Variants in ZNF438 observed in about 807,000 individuals in gnomAD.
The protein encoded by ZNF438 is zinc finger protein 438.
Under a neutral mutation model 38.0 loss-of-function variants are expected in ZNF438, and 25 were observed. That is an observed-to-expected ratio of 0.66 (90% CI 0.48 to 0.92). The LOEUF (loss-of-function observed/expected upper bound fraction) is 0.92. Ranked by LOEUF, ZNF438 falls within the 40% of genes least tolerant of loss-of-function variation. The pLI is 0.00. For synonymous variants in ZNF438, 372 were observed against 364.1 expected, an observed-to-expected ratio of 1.02 and a Z score of -0.25; for missense variants, 1,007 against 999.6, an observed-to-expected ratio of 1.01 and a Z score of -0.10.
intron 2 of ZNF438, among the ~76,000 whole-genome samples, chr10:30,928,834 G>A (rs1475614718): frequency 6.6e-6 from 1 of 152,098 alleles, no homozygotes; most frequent in African/African-American, 2.4e-5. Flanking sequence ...GTGAAGACCT[G>A]GGAGTTCAGC....
intron 1 of ZNF438, among the ~76,000 whole-genome samples, chr10:30,946,079 T>C (rs1225301246): frequency 8.0e-5 from 12 of 150,058 alleles, no homozygotes; most frequent in Admixed American, 7.3e-4. Context: ...TTCCTGACTT[T>C]TTAATGATTG....
At chr10:30,857,807 C>A in intron 4 of ZNF438, 2 of 1,352,706 alleles carry the variant, frequency 1.5e-6, no homozygotes, top group Non-Finnish European at 1.9e-6. Context: ...ATGTTAAAGG[C>A]AGTGGAGGAA....
intron 1 of ZNF438, among the ~76,000 whole-genome samples, chr10:30,964,032 A>G (rs1057368430): frequency 6.6e-6 from 1 of 152,152 alleles, no homozygotes; most frequent in African/African-American, 2.4e-5. Flanking sequence ...AGTGATCCTT[A>G]TAGTAGCTGA....
Position 30,849,889 on chromosome 10 carries a change from TTTG to T in ZNF438, c.513_515del (p.Tyr171_Lys172delinsTer), listed in dbSNP as rs2033225119. 2 of 1,614,034 alleles carry T rather than the reference TTTG, an allele frequency of 1.2e-6. No individual in the cohort carries two copies. The highest frequency in any genetic ancestry group is 2.7e-5 in the African/African-American group (2 of 75,002). On this transcript the variant is annotated stop_gained and inframe_deletion, in exon 5 of 6. Transcript: ENST00000413025. LOFTEE classifies it high-confidence loss of function. ...ATGGTACTTCCTCAAATGGACTGGG[TTTG>T]TACAGGAGTTCAGGGTGGTGAGGTG...
intron 3 of ZNF438, among the ~76,000 whole-genome samples, chr10:30,900,588 G>A (rs2134239612): frequency 6.6e-6 from 1 of 152,194 alleles, no homozygotes; most frequent in Admixed American, 6.5e-5. Flanking sequence ...CACAGCCTTG[G>A]GATGGATATT....
At chr10:30,913,346 A>C (rs2043269388) in intron 2 of ZNF438, among the ~76,000 whole-genome samples, 1 of 151,938 alleles carries the variant, frequency 6.6e-6, no homozygotes, top group Non-Finnish European at 1.5e-5. Context: ...ACTTGGCTTG[A>C]TTCCAATTCT....
intron 1 of ZNF438, among the ~76,000 whole-genome samples, chr10:31,006,926 A>G (rs1270585221): frequency 1.3e-5 from 2 of 152,188 alleles, no homozygotes; most frequent in Non-Finnish European, 2.9e-5. Context: ...TAAGGCTGGT[A>G]ATCAGTGGGC....
intron 3 of ZNF438, among the ~76,000 whole-genome samples, chr10:30,907,325 T>C (rs965753900): frequency 6.6e-6 from 1 of 152,192 alleles, no homozygotes; most frequent in South Asian, 2.1e-4. Context: ...TATAGTTTTC[T>C]TGTGTTGTTG....
intron 2 of ZNF438, among the ~76,000 whole-genome samples, chr10:30,909,385 C>T (rs1428756226): frequency 6.6e-6 from 1 of 152,090 alleles, no homozygotes; most frequent in Non-Finnish European, 1.5e-5. Context: ...TTTACTTGGA[C>T]AATAGGAAAA....
intron 1 of ZNF438, among the ~76,000 whole-genome samples, chr10:31,012,129 C>CTT (rs1173483449): frequency 1.5e-5 from 2 of 130,712 alleles, no homozygotes; most frequent in African/African-American, 2.8e-5. Flanking sequence ...TTTTTTTTTT[C>CTT]TTTTTTTTTT....
intron 1 of ZNF438, among the ~76,000 whole-genome samples, chr10:31,025,600 C>T (rs915762529): frequency 6.6e-6 from 1 of 152,064 alleles, no homozygotes; most frequent in Non-Finnish European, 1.5e-5. Flanking sequence ...ATAATAGCTA[C>T]GTAGTTATGG....
At chr10:30,859,582 T>A (rs922552507) in intron 4 of ZNF438, among the ~76,000 whole-genome samples, 6 of 152,222 alleles carry the variant, frequency 3.9e-5, no homozygotes, top group Non-Finnish European at 7.3e-5. Flanking sequence ...GGCTCTGTCA[T>A]GTACCTGTGG....
At chr10:30,896,532 T>C (rs1424006938) in intron 3 of ZNF438, among the ~76,000 whole-genome samples, 2 of 152,170 alleles carry the variant, frequency 1.3e-5, no homozygotes, top group African/African-American at 4.8e-5. Context: ...GGAGACTATG[T>C]TAAATGAAAT....
intron 3 of ZNF438, among the ~76,000 whole-genome samples, chr10:30,905,367 T>C (rs537744363): frequency 6.6e-6 from 1 of 152,228 alleles, no homozygotes; most frequent in African/African-American, 2.4e-5. Context: ...CTAACGACGT[T>C]GCACATCTTT....
chr10:30,866,563 G>A (rs947093379), intron 4 of ZNF438, among the ~76,000 whole-genome samples: 7 of 151,922 alleles, frequency 4.6e-5, no homozygotes, highest in African/African-American at 9.7e-5. Context: ...GGTCAGGCGC[G>A]GTGGCTCACG....
chr10:30,904,676 C>T (rs1403651970), intron 3 of ZNF438, among the ~76,000 whole-genome samples: 2 of 152,246 alleles, frequency 1.3e-5, no homozygotes, highest in African/African-American at 2.4e-5. Context: ...CACTCCTCAC[C>T]CCCTCACTTT....
intron 4 of ZNF438, among the ~76,000 whole-genome samples, chr10:30,874,143 T>C (rs1341569505): frequency 2.7e-5 from 2 of 74,666 alleles, no homozygotes; most frequent in Admixed American, 2.4e-4. Flanking sequence ...TATATATATA[T>C]ATATATATAT....
chr10:30,850,007 G>C lies in ZNF438; in HGVS notation c.398C>G (p.Ser133Ter). Reference sequence around the variant, plus strand: ...AAAGATCAGGATGGGTTTCTTTCTTGATGCTTTGCTATTTCTAGGGGGTTG... The same window carrying C: ...AAAGATCAGGATGGGTTTCTTTCTTCATGCTTTGCTATTTCTAGGGGGTTG... The change falls in exon 5 of 6, where the codon TCA (serine) becomes TGA (stop). Residue 133 changes from serine (S) to a stop codon, truncating the protein, a stop_gained. Transcript: ENST00000413025. LOFTEE classifies it high-confidence loss of function. The C allele has an allele frequency of 6.2e-7, 1 of 1,614,116 alleles. No homozygotes were observed. The highest frequency in any genetic ancestry group is 8.5e-7 in the Non-Finnish European group (1 of 1,179,978).
chr10:30,877,662 G>A (rs919824955), intron 3 of ZNF438, among the ~76,000 whole-genome samples: 3 of 152,154 alleles, frequency 2.0e-5, no homozygotes, highest in African/African-American at 7.2e-5. Flanking sequence ...AGTGTGTTTG[G>A]TGATGGAATT....
Sources: allele counts gnomAD v4.1 joint callset (sites outside exome capture counted in the v4.1 genomes callset), GRCh38; gene constraint gnomAD v4.1.1; transcripts MANE v1.5; gene names NCBI Gene and HGNC (gene_info 2026-07-23, HGNC 2026-07-21).